Variants in C8orf34 observed in about 807,000 individuals in gnomAD.
C8orf34 encodes uncharacterized protein C8orf34.
C8orf34 carries 65 observed loss-of-function variants against 68.3 expected under a neutral mutation model. The ratio of observed to expected loss-of-function variants is 0.95; its 90% CI spans 0.78 to 1.17. C8orf34 has a LOEUF of 1.17. C8orf34 is among the 50% of genes most tolerant of loss of function. The probability of loss-of-function intolerance (pLI) is 0.00; values close to 1 mark genes in which losing one functional copy is unlikely to be tolerated. For missense variants in C8orf34, 664 were observed against 655.4 expected (o/e 1.01, Z -0.14); for synonymous variants, 244 against 241.2 (o/e 1.01, Z -0.11).
intron 10 of C8orf34, among the ~76,000 whole-genome samples, chr8:68,754,249 T>C (rs761824610): frequency 2.0e-4 from 31 of 152,284 alleles, no homozygotes; most frequent in Non-Finnish European, 4.0e-4. Flanking sequence ...CTGTTGACCT[T>C]AGAAAAAGTA....
intron 7 of C8orf34, among the ~76,000 whole-genome samples, chr8:68,605,561 T>C (rs555956618): frequency 6.6e-6 from 1 of 151,984 alleles, no homozygotes; most frequent in South Asian, 2.1e-4. Context: ...CCTGAAAAGA[T>C]GAGAGGCAGC....
At chr8:68,360,292 G>T (rs1806928157) in intron 1 of C8orf34, among the ~76,000 whole-genome samples, 1 of 152,052 alleles carries the variant, frequency 6.6e-6, no homozygotes, top group African/African-American at 2.4e-5. Flanking sequence ...TTTTATGTGT[G>T]GTTGATACAT....
intron 7 of C8orf34, among the ~76,000 whole-genome samples, chr8:68,613,893 T>G (rs1036228003): frequency 2.6e-5 from 4 of 152,104 alleles, no homozygotes; most frequent in Non-Finnish European, 4.4e-5. Context: ...TGAACTAGTT[T>G]ACAGTCCCAC....
At chr8:68,482,486 G>A (rs982532780) in intron 4 of C8orf34, among the ~76,000 whole-genome samples, 1 of 152,024 alleles carries the variant, frequency 6.6e-6, no homozygotes, top group Non-Finnish European at 1.5e-5. Flanking sequence ...TGTTGCCCAG[G>A]CTGGTCTCGA....
chr8:68,575,322 C>A (rs569126862), intron 7 of C8orf34, among the ~76,000 whole-genome samples: 1 of 151,968 alleles, frequency 6.6e-6, no homozygotes, highest in African/African-American at 2.4e-5. Flanking sequence ...TAATTTATAC[C>A]AGCTATTTCC....
At chr8:68,607,027 T>C (rs1325230626) in intron 7 of C8orf34, among the ~76,000 whole-genome samples, 1 of 152,138 alleles carries the variant, frequency 6.6e-6, no homozygotes, top group Non-Finnish European at 1.5e-5. Context: ...TCCAGATGTT[T>C]ACCATTTGTG....
intron 1 of C8orf34, among the ~76,000 whole-genome samples, chr8:68,336,640 C>A (rs1438323257): frequency 1.3e-5 from 2 of 152,112 alleles, no homozygotes; most frequent in Non-Finnish European, 2.9e-5. Context: ...TACTTCCCAA[C>A]TCTGTCTACT....
At chr8:68,640,309 T>C in intron 7 of C8orf34, 67 bp from the exon 8 acceptor site, 2 of 1,484,918 alleles carry the variant, frequency 1.3e-6, no homozygotes, top group Non-Finnish European at 1.8e-6. Context: ...TACCTGAAAA[T>C]ATGAATTTTT....
intron 7 of C8orf34, chr8:68,535,785 T>G: frequency 1.0e-6 from 1 of 961,108 alleles, no homozygotes; most frequent in Non-Finnish European, 1.2e-6. Context: ...AGTAACTTAA[T>G]ATGGAATTAA....
intron 12 of C8orf34, among the ~76,000 whole-genome samples, chr8:68,799,159 T>C (rs1824260692): frequency 6.6e-6 from 1 of 152,244 alleles, no homozygotes. Flanking sequence ...CAAATTTTTG[T>C]TATTTTTAAA....
chr8:68,578,595 G>T (rs1485942141), intron 7 of C8orf34, among the ~76,000 whole-genome samples: 1 of 150,824 alleles, frequency 6.6e-6, no homozygotes, highest in African/African-American at 2.5e-5. Context: ...ACCAATTACA[G>T]CAAAATATTT....
intron 7 of C8orf34, among the ~76,000 whole-genome samples, chr8:68,614,546 A>C (rs996339435): frequency 3.9e-5 from 6 of 152,166 alleles, no homozygotes; most frequent in African/African-American, 1.4e-4. Context: ...TAAATAGGGA[A>C]TCCTTTCCCC....
At chr8:68,423,005 C>T (rs980518315) in intron 1 of C8orf34, among the ~76,000 whole-genome samples, 3 of 152,236 alleles carry the variant, frequency 2.0e-5, no homozygotes, top group African/African-American at 7.2e-5. Flanking sequence ...TGAGGCAGCA[C>T]AGAGCAGGGA....
At chr8:68,491,589 C>G (rs1813314994) in intron 5 of C8orf34, among the ~76,000 whole-genome samples, 1 of 152,224 alleles carries the variant, frequency 6.6e-6, no homozygotes, top group Non-Finnish European at 1.5e-5. Flanking sequence ...AGGAACAACT[C>G]TCCCTATTTA....
At chr8:68,532,227 G>A (rs1815278313) in intron 6 of C8orf34, among the ~76,000 whole-genome samples, 2 of 152,090 alleles carry the variant, frequency 1.3e-5, no homozygotes, top group South Asian at 4.1e-4. Flanking sequence ...CTATCCTCAC[G>A]AGCTTTAGAA....
intron 9 of C8orf34, among the ~76,000 whole-genome samples, chr8:68,710,782 T>A (rs1236627881): frequency 6.6e-6 from 1 of 152,120 alleles, no homozygotes; most frequent in Non-Finnish European, 1.5e-5. Context: ...CTTAACCAGG[T>A]GTTCCTAGGG....
Position 68,331,453 on chromosome 8 carries a change from C to T in C8orf34, c.327+114C>T, listed in dbSNP as rs1307782294. 9 of 1,210,512 alleles carry T rather than the reference C, an allele frequency of 7.4e-6. No individual in the cohort carries two copies. The South Asian group carries it at 9.1e-5, about 12-fold the overall frequency. 75.0% of individuals were successfully genotyped at this position (1,210,512 alleles called of 1,614,324 possible). On this transcript the variant is annotated intron_variant, in intron 1 of 13. Coordinates refer to ENST00000518698, the MANE Select transcript of C8orf34 (RefSeq NM_052958.4). Reference sequence around the variant, plus strand: ...CAGGGAAGGAGGGCTAGAGAACCAACGCGCGGGAGAGGGCGCCCTGGGATT... The same window carrying T: ...CAGGGAAGGAGGGCTAGAGAACCAATGCGCGGGAGAGGGCGCCCTGGGATT...
At chr8:68,749,492 T>A in intron 10 of C8orf34, among the ~76,000 whole-genome samples, 1 of 152,260 alleles carries the variant, frequency 6.6e-6, no homozygotes, top group Non-Finnish European at 1.5e-5. Flanking sequence ...TTTAAGTATA[T>A]AATAAACATT....
intron 4 of C8orf34, among the ~76,000 whole-genome samples, chr8:68,477,591 C>T (rs1448310821): frequency 6.6e-6 from 1 of 152,238 alleles, no homozygotes; most frequent in Non-Finnish European, 1.5e-5. Flanking sequence ...AAGCCACAGA[C>T]ACTCAATGCC....
Sources: allele counts gnomAD v4.1 joint callset (sites outside exome capture counted in the v4.1 genomes callset), GRCh38; gene constraint gnomAD v4.1.1; transcripts MANE v1.5; gene names NCBI Gene and HGNC (gene_info 2026-07-23, HGNC 2026-07-21).